POU6F2: variants seen among roughly 807,000 people sequenced by gnomAD.
The protein encoded by POU6F2 is POU class 6 homeobox 2.
In POU6F2, 31 loss-of-function variants were observed where a neutral mutation model predicts 71.3. That is an observed-to-expected ratio of 0.43 (90% confidence interval 0.33 to 0.59). The LOEUF (loss-of-function observed/expected upper bound fraction) is 0.59, where lower values mean the gene tolerates loss of function less well. Ranked by LOEUF, POU6F2 falls within the 20% of genes least tolerant of loss-of-function variation. The probability of loss-of-function intolerance (pLI) is 0.04; values close to 1 mark genes in which losing one functional copy is unlikely to be tolerated. For missense variants in POU6F2, 783 were observed against 856.8 expected, an observed-to-expected ratio of 0.91 and a Z score of 1.07; for synonymous variants, 347 against 355.7, an observed-to-expected ratio of 0.98 and a Z score of 0.27.
At chr7:39,462,768 C>A (rs1018604375) in intron 9 of POU6F2, among the ~76,000 whole-genome samples, 4 of 152,166 alleles carry the variant, frequency 2.6e-5, no homozygotes, top group African/African-American at 9.7e-5. Context: ...TTGACCAGTA[C>A]TGGAAGCTGG....
At chr7:39,133,456 T>G (rs17171542) in intron 2 of POU6F2, among the ~76,000 whole-genome samples, 1 of 152,208 alleles carries the variant, frequency 6.6e-6, no homozygotes. Context: ...GTTTCAAAAG[T>G]TGGGTCTCCT....
chr7:39,110,125 G>T (rs185870351), intron 2 of POU6F2, among the ~76,000 whole-genome samples: 1 of 152,000 alleles, frequency 6.6e-6, no homozygotes. Context: ...ACAAAAATTA[G>T]CTGGGTTTGG....
chr7:39,196,787 C>T (rs1793796174), intron 2 of POU6F2, among the ~76,000 whole-genome samples: 2 of 152,024 alleles, frequency 1.3e-5, no homozygotes, highest in African/African-American at 4.8e-5. Context: ...AAAGAATTTG[C>T]ACTGATTTAG....
chr7:39,341,714 T>C (rs999599318), intron 5 of POU6F2, among the ~76,000 whole-genome samples: 1 of 152,200 alleles, frequency 6.6e-6, no homozygotes, highest in Non-Finnish European at 1.5e-5. Flanking sequence ...TTGTCCGATA[T>C]AGTCCAGTAT....
At chr7:39,211,667 C>T (rs190794963) in intron 4 of POU6F2, among the ~76,000 whole-genome samples, 543 of 152,286 alleles carry the variant, frequency 3.6e-3, no homozygotes, top group African/African-American at 0.012. Flanking sequence ...AGTTAGACAT[C>T]TTGCAGGATC....
chr7:39,464,694 C>G lies in POU6F2; in HGVS notation c.*8C>G. 1.9e-6 allele frequency: 3 copies of G among 1,589,002 alleles called. No homozygotes were observed. The highest frequency in any genetic ancestry group is 2.6e-6 in the Non-Finnish European group (3 of 1,168,976). On this transcript the variant is annotated 3_prime_UTR_variant, in exon 10 of 10. Coordinates refer to ENST00000518318, the MANE Select transcript of POU6F2 (RefSeq NM_001370959.1). The surrounding 1 kb of genome is among the most constrained non-coding windows in gnomAD (Gnocchi z 4.1). ...CTGGAAGAAAACTCCTAAAGAGATG[C>G]CCACCCATAATCAGAAGCAAAATTC...
intron 4 of POU6F2, among the ~76,000 whole-genome samples, chr7:39,268,889 A>G (rs138658211): frequency 1.9e-3 from 284 of 152,296 alleles, no homozygotes; most frequent in African/African-American, 6.7e-3. Context: ...CTCCACTTCA[A>G]GTGTTGCCGG....
intron 2 of POU6F2, among the ~76,000 whole-genome samples, chr7:39,152,214 G>C (rs1370968470): frequency 6.6e-6 from 1 of 152,112 alleles, no homozygotes; most frequent in African/African-American, 2.4e-5. Flanking sequence ...GTCAGTACCT[G>C]GTTAATCCTC....
chr7:39,380,363 G>T (rs1786802207), intron 5 of POU6F2, among the ~76,000 whole-genome samples: 1 of 152,176 alleles, frequency 6.6e-6, no homozygotes, highest in African/African-American at 2.4e-5. Context: ...GCAGTAATTT[G>T]TGTTGGGTAT....
chr7:39,161,835 A>G (rs1281394623), intron 2 of POU6F2, among the ~76,000 whole-genome samples: 1 of 152,208 alleles, frequency 6.6e-6, no homozygotes, highest in African/African-American at 2.4e-5. Context: ...CTGTTTAAGT[A>G]CATTTTGCCA....
intron 2 of POU6F2, among the ~76,000 whole-genome samples, chr7:39,122,795 C>T (rs919404759): frequency 1.3e-5 from 2 of 150,718 alleles, no homozygotes; most frequent in Non-Finnish European, 2.9e-5. Flanking sequence ...GCAACCTCTG[C>T]CTCCCAGGTT....
chr7:39,020,083 GA>G (rs1478461346), intron 1 of POU6F2, among the ~76,000 whole-genome samples: 1 of 152,112 alleles, frequency 6.6e-6, no homozygotes, highest in East Asian at 1.9e-4. Context: ...AGGAGCAAGT[GA>G]GCAGGTTGGG....
intron 5 of POU6F2, among the ~76,000 whole-genome samples, chr7:39,370,700 G>GT (rs1786589131): frequency 6.6e-6 from 1 of 152,220 alleles, no homozygotes; most frequent in African/African-American, 2.4e-5. Flanking sequence ...TATTCTGGGT[G>GT]TTTTGGATAA....
In POU6F2 at chr7:39,433,290, G is replaced by A. The variant is rs543568287; in HGVS notation, c.1320+7G>A. ...CATCAAGCCCGGCCAGCAGGTAAAT[G>A]TTCCAGGCCAAGGCAGCCATGGCAC... On this transcript the variant is annotated splice_region_variant and intron_variant, in intron 7 of 9. Transcript: ENST00000518318. The A allele has an allele frequency of 5.0e-6, 8 of 1,613,854 alleles. No homozygotes were observed. In the South Asian group the frequency reaches 7.7e-5, roughly 16 times the overall value.
intron 6 of POU6F2, among the ~76,000 whole-genome samples, chr7:39,410,930 A>G (rs1442445466): frequency 1.3e-5 from 2 of 152,140 alleles, no homozygotes; most frequent in African/African-American, 4.8e-5. Context: ...CTGTGCTTCA[A>G]TTTCTTCATC....
intron 1 of POU6F2, among the ~76,000 whole-genome samples, chr7:39,082,479 G>A (rs755202782): frequency 1.1e-4 from 17 of 152,078 alleles, no homozygotes; most frequent in East Asian, 3.9e-4. Context: ...CCTGTTTACC[G>A]CTGCAGAGAT....
rs951000122 is a variant in POU6F2 at position 39,117,388 on chromosome 7, G to A, written c.277+31357G>A. 2.6e-5 allele frequency among the ~76,000 whole-genome samples: 4 copies of A among 152,060 alleles called. No individual in the cohort carries two copies. The South Asian group carries it at 8.3e-4, about 32-fold the overall frequency. On this transcript the variant is annotated intron_variant, in intron 2 of 9. Transcript: ENST00000518318. ...AAATTAAAACCAAAAATGTTAGAGT[G>A]GACTCAGAGTTAAACATGGGTGATT...
At chr7:39,205,173 T>C (rs1368279988) in intron 3 of POU6F2, among the ~76,000 whole-genome samples, 1 of 152,068 alleles carries the variant, frequency 6.6e-6, no homozygotes, top group Non-Finnish European at 1.5e-5. Flanking sequence ...ACTCTGTGCC[T>C]GTGGACAGAA....
chr7:39,298,967 G>A (rs939841029), intron 4 of POU6F2, among the ~76,000 whole-genome samples: 3 of 152,088 alleles, frequency 2.0e-5, no homozygotes, highest in African/African-American at 4.8e-5. Context: ...GAGAACACAC[G>A]GACACAGGGA....
Sources: allele counts gnomAD v4.1 joint callset (sites outside exome capture counted in the v4.1 genomes callset), GRCh38; gene constraint gnomAD v4.1.1; non-coding constraint Gnocchi (gnomAD v3.1); transcripts MANE v1.5; gene names NCBI Gene and HGNC (gene_info 2026-07-23, HGNC 2026-07-21).